Variants in AFG1L observed in about 807,000 individuals in gnomAD.
AFG1L encodes AFG1-like ATPase.
A neutral mutation model predicts 62.2 loss-of-function variants in AFG1L; 53 were observed. The observed-to-expected ratio is 0.85, with a 90% CI of 0.68 to 1.07. The LOEUF is 1.07. Ranked by LOEUF, AFG1L falls within the 50% of genes least tolerant of loss-of-function variation. The probability of loss-of-function intolerance (pLI) is 0.00; values close to 1 mark genes in which losing one functional copy is unlikely to be tolerated. For synonymous variants in AFG1L, 228 were observed against 210.3 expected (o/e 1.08, Z -0.73); for missense variants, 555 against 590.5 (o/e 0.94, Z 0.62).
intron 6 of AFG1L, among the ~76,000 whole-genome samples, chr6:108,397,509 G>A (rs1266007039): frequency 6.6e-6 from 1 of 152,032 alleles, no homozygotes; most frequent in East Asian, 1.9e-4. Context: ...CGCCCACCTC[G>A]GCCTCCCAAA....
chr6:108,369,242 A>G (rs1002859671), intron 6 of AFG1L, among the ~76,000 whole-genome samples: 7 of 152,148 alleles, frequency 4.6e-5, no homozygotes, highest in African/African-American at 1.7e-4. Context: ...GTTTGACTAC[A>G]AAGGGGCAGG....
At chr6:108,302,600 A>G (rs934599890) in intron 1 of AFG1L, among the ~76,000 whole-genome samples, 1 of 152,040 alleles carries the variant, frequency 6.6e-6, no homozygotes, top group Non-Finnish European at 1.5e-5. Context: ...TACTTACTAC[A>G]GGTCAGGAAC....
chr6:108,423,310 A>G (rs769261891), intron 7 of AFG1L, among the ~76,000 whole-genome samples: 7 of 152,058 alleles, frequency 4.6e-5, no homozygotes, highest in Non-Finnish European at 1.0e-4. Context: ...AGAATAGAAC[A>G]TTTTAGTCTT....
intron 1 of AFG1L, among the ~76,000 whole-genome samples, chr6:108,315,968 G>C (rs576810882): frequency 4.6e-5 from 7 of 152,210 alleles, no homozygotes; most frequent in Admixed American, 2.0e-4. Flanking sequence ...GATAGCTTGA[G>C]CCTGGAAGGT....
chr6:108,332,421 T>C (rs1778308037), intron 2 of AFG1L, among the ~76,000 whole-genome samples: 2 of 152,196 alleles, frequency 1.3e-5, no homozygotes, highest in African/African-American at 2.4e-5. Context: ...TATGATTGAG[T>C]TGACATTGTG....
chr6:108,304,586 A>C (rs1777135123), intron 1 of AFG1L, among the ~76,000 whole-genome samples: 2 of 152,264 alleles, frequency 1.3e-5, no homozygotes, highest in Admixed American at 1.3e-4. Flanking sequence ...AAATCTCATT[A>C]CAGTAATGAA....
At chr6:108,472,193 T>G (rs1772923478) in intron 8 of AFG1L, among the ~76,000 whole-genome samples, 1 of 152,068 alleles carries the variant, frequency 6.6e-6, no homozygotes. Context: ...AATAGAGCAG[T>G]CATTACCAGG....
chr6:108,503,508 G>C (rs1035549345), intron 10 of AFG1L, among the ~76,000 whole-genome samples: 1 of 152,172 alleles, frequency 6.6e-6, no homozygotes, highest in Non-Finnish European at 1.5e-5. Flanking sequence ...AGCTCTTAAA[G>C]GGGGCTTAAA....
At chr6:108,447,128 A>AT (rs1771841048) in intron 7 of AFG1L, 86 bp from the exon 8 acceptor site, 4 of 562,358 alleles carry the variant, frequency 7.1e-6, no homozygotes, top group Non-Finnish European at 1.2e-5. Context: ...CATTTGAAAA[A>AT]TTTTAAAAAT....
In AFG1L at chr6:108,522,279, T is replaced by A; in HGVS notation, c.1318-18T>A. On this transcript the variant is annotated intron_variant, in intron 12 of 12. Transcript: ENST00000368977. The stretch of plus-strand genomic sequence containing the variant: ...CATTTGTGATAGCTTTATTTTAATT[T>A]CTTTGTTTTATAACCAGGATTCAGC... The A allele has an allele frequency of 6.2e-7, 1 of 1,607,910 alleles. No homozygotes were observed. Among genetic ancestry groups the A allele is most frequent in the Non-Finnish European group, 8.5e-7 (1 of 1,176,826 alleles).
intron 2 of AFG1L, among the ~76,000 whole-genome samples, chr6:108,333,947 AT>A (rs1197350409): frequency 1.1e-4 from 17 of 152,326 alleles, no homozygotes; most frequent in South Asian, 4.1e-4. Flanking sequence ...GTAATATTCC[AT>A]TGTGAAAATA....
chr6:108,355,608 G>A (rs768503529), intron 3 of AFG1L, 46 bp from the exon 4 acceptor site: 6 of 981,132 alleles, frequency 6.1e-6, no homozygotes, highest in Non-Finnish European at 9.3e-6. Context: ...ACAGCAATCA[G>A]TACATACTAT....
chr6:108,482,708 T>C (rs566848509), intron 10 of AFG1L, among the ~76,000 whole-genome samples: 15 of 152,272 alleles, frequency 9.9e-5, no homozygotes, highest in Admixed American at 7.2e-4. Context: ...ATTTGTAAAA[T>C]GTCTCCCAAC....
chr6:108,420,809 A>T (rs1000329398), intron 7 of AFG1L, among the ~76,000 whole-genome samples: 5 of 152,162 alleles, frequency 3.3e-5, no homozygotes, highest in African/African-American at 7.2e-5. Flanking sequence ...TGTAAAATAT[A>T]TACTGTTTAG....
At chr6:108,487,164 A>C (rs1438493147) in intron 10 of AFG1L, among the ~76,000 whole-genome samples, 1 of 152,262 alleles carries the variant, frequency 6.6e-6, no homozygotes, top group Non-Finnish European at 1.5e-5. Flanking sequence ...AAAGAGGCCC[A>C]ACTGAGTCAG....
At chr6:108,415,834 C>T in intron 7 of AFG1L, among the ~76,000 whole-genome samples, 1 of 152,158 alleles carries the variant, frequency 6.6e-6, no homozygotes, top group East Asian at 1.9e-4. Context: ...AAAACCTAGG[C>T]AATACCATTT....
At chr6:108,440,229 A>T (rs1771481052) in intron 7 of AFG1L, among the ~76,000 whole-genome samples, 1 of 151,872 alleles carries the variant, frequency 6.6e-6, no homozygotes, top group Non-Finnish European at 1.5e-5. Flanking sequence ...CCCAGGCTGG[A>T]GCAGTCTCAG....
chr6:108,341,052 A>G (rs943318903), intron 2 of AFG1L, among the ~76,000 whole-genome samples: 2 of 152,092 alleles, frequency 1.3e-5, no homozygotes, highest in Non-Finnish European at 2.9e-5. Context: ...GCCCAGAGAG[A>G]GGGTCCTCTC....
chr6:108,340,394 C>G (rs1470852422), intron 2 of AFG1L, among the ~76,000 whole-genome samples: 1 of 144,658 alleles, frequency 6.9e-6, no homozygotes, highest in Admixed American at 7.1e-5. Flanking sequence ...GATGGAGTCT[C>G]GCTCTGTTGT....
Sources: allele counts gnomAD v4.1 joint callset (sites outside exome capture counted in the v4.1 genomes callset), GRCh38; gene constraint gnomAD v4.1.1; transcripts MANE v1.5; gene names NCBI Gene and HGNC (gene_info 2026-07-23, HGNC 2026-07-21).